The following DCTN5 variants were observed in gnomAD, a reference collection of about 807,000 sequenced individuals.
The protein encoded by DCTN5 is dynactin subunit 5.
DCTN5 carries 14 observed loss-of-function variants against 23.5 expected under a neutral mutation model. The ratio of observed to expected loss-of-function variants is 0.60; its 90% confidence interval spans 0.39 to 0.93. The LOEUF (loss-of-function observed/expected upper bound fraction) is 0.93. DCTN5 is among the 40% of genes least tolerant of loss of function. DCTN5 has a pLI of 0.00. For synonymous variants in DCTN5, 67 were observed against 79.6 expected, an observed-to-expected ratio of 0.84 and a Z score of 0.84; for missense variants, 156 against 225.9, an observed-to-expected ratio of 0.69 and a Z score of 1.98.
rs79939128 is a variant in DCTN5 at position 23,662,581 on chromosome 16, C to G, written c.348+1300C>G. On this transcript the variant is annotated intron_variant, in intron 4 of 5. Coordinates refer to ENST00000300087, the MANE Select transcript of DCTN5 (RefSeq NM_032486.4). ...CATTCCCGTTAATATGGAGCCAGCT[C>G]TCTGCCCTGGATAAGACTCAGACCC... Among the ~76,000 whole-genome samples the G allele has an allele frequency of 1.6e-3, 247 of 152,338 alleles. 4 individuals are homozygous for G. The East Asian group carries it at 0.04, about 25-fold the overall frequency.
At chr16:23,650,910 C>G in intron 2 of DCTN5, 1 of 1,388,848 alleles carries the variant, frequency 7.2e-7, no homozygotes, top group Admixed American at 2.0e-5. Context: ...TAAGCCCAAG[C>G]TGGTTGTTAC....
At chr16:23,648,168 T>G (rs1967510351) in intron 2 of DCTN5, among the ~76,000 whole-genome samples, 2 of 151,900 alleles carry the variant, frequency 1.3e-5, no homozygotes. Flanking sequence ...GTTAGTTAAT[T>G]TTTTTGAGAC....
chr16:23,670,940 C>T lies in DCTN5; in HGVS notation c.*3796C>T, dbSNP rs927859908. ...GTGCTTTCCAAGCCACTACTAGGTG[C>T]CAAGCACTTCCTAGGTCCTGGGGAT... is the stretch of plus-strand genomic sequence containing the variant. On this transcript the variant is annotated 3_prime_UTR_variant, in exon 6 of 6. Coordinates refer to ENST00000300087, the MANE Select transcript of DCTN5 (RefSeq NM_032486.4). 5 of 152,164 alleles carry T rather than the reference C, an allele frequency of 3.3e-5. No individual in the cohort carries two copies. The highest frequency in any genetic ancestry group is 4.8e-5 in the African/African-American group (2 of 41,436). The allele number at this position is 152,164 out of a possible 1,614,324, so 9.4% of individuals were successfully genotyped here. A position where few individuals can be genotyped will look rare whatever the true frequency, so the allele number is the denominator to read the frequency against.
chr16:23,658,409 T>C (rs1967750088), intron 2 of DCTN5, 98 bp from the exon 3 acceptor site: 1 of 813,902 alleles, frequency 1.2e-6, no homozygotes, highest in Non-Finnish European at 2.1e-6. Context: ...TCAGAGTGGA[T>C]TGTAACATAA....
chr16:23,665,132 G>A (rs113480112), intron 4 of DCTN5, among the ~76,000 whole-genome samples: 1 of 152,200 alleles, frequency 6.6e-6, no homozygotes, highest in African/African-American at 2.4e-5. Context: ...CCCAGCAAAA[G>A]CCCTGAGGTT....
At position 23,675,550 on chromosome 16, in the gene DCTN5, C is replaced by A. The variant is rs1027243953; in HGVS notation, c.*8406C>A. On this transcript the variant is annotated 3_prime_UTR_variant, in exon 6 of 6. Transcript: ENST00000300087. Reference sequence around the variant, plus strand: ...TACAAAAATGCTTTTGTGCCTCTTACATACAACCCTTCCAGAGGAAAGGCC... The same window carrying A: ...TACAAAAATGCTTTTGTGCCTCTTAAATACAACCCTTCCAGAGGAAAGGCC... 1.3e-5 allele frequency: 2 copies of A among 150,672 alleles called. No homozygotes were observed. Among genetic ancestry groups the A allele is most frequent in the African/African-American group, 4.9e-5 (2 of 40,936 alleles). 9.3% of individuals were successfully genotyped at this position (150,672 alleles called of 1,614,324 possible).
chr16:23,650,975 C>G, intron 2 of DCTN5: 1 of 1,403,042 alleles, frequency 7.1e-7, no homozygotes, highest in Non-Finnish European at 9.4e-7. Context: ...GCGTCTGATT[C>G]TTTTTCAAAA....
intron 5 of DCTN5, 198 bp downstream of exon 5, chr16:23,665,926 A>G: frequency 1.7e-6 from 1 of 572,874 alleles, no homozygotes; most frequent in Non-Finnish European, 3.1e-6. Flanking sequence ...TGGGTTCACC[A>G]GAAAATAAGG....
rs1967925374 is a variant in DCTN5 at position 23,667,300 on chromosome 16, C to CT, written c.*157dup. 3.4e-5 allele frequency: 30 copies of CT among 889,642 alleles called. 1 individual carries two copies. The South Asian group carries it at 5.1e-4, about 15-fold the overall frequency. 55.1% of individuals were successfully genotyped at this position (889,642 alleles called of 1,614,324 possible). The stretch of plus-strand genomic sequence containing the variant: ...TTAGAATTTCTCAATCTTCAAGGCT[C>CT]TAAGTGCTTAAGAATTCACTAACAG... On this transcript the variant is annotated 3_prime_UTR_variant, in exon 6 of 6. Coordinates refer to ENST00000300087, the MANE Select transcript of DCTN5 (RefSeq NM_032486.4).
intron 5 of DCTN5, 200 bp from the exon 6 acceptor site, chr16:23,666,847 T>A (rs749631701): frequency 1.4e-6 from 1 of 735,302 alleles, no homozygotes; most frequent in Non-Finnish European, 2.1e-6. Flanking sequence ...GACTTTTGTT[T>A]AGTAATTTCT....
At chr16:23,644,787 A>AG (rs1967388823) in intron 2 of DCTN5, among the ~76,000 whole-genome samples, 1 of 148,624 alleles carries the variant, frequency 6.7e-6, no homozygotes, top group African/African-American at 2.5e-5. Flanking sequence ...CCATTTTAAC[A>AG]ATTTTTTAAA....
rs1968021161 is a variant in DCTN5 at position 23,672,345 on chromosome 16, G to C, written c.*5201G>C. 1 of 152,202 alleles carries C rather than the reference G, an allele frequency of 6.6e-6. No individual in the cohort carries two copies. The highest frequency in any genetic ancestry group is 2.1e-4 in the South Asian group (1 of 4,832). The allele number at this position is 152,202 out of a possible 1,614,324, so 9.4% of individuals were successfully genotyped here. A position where few individuals can be genotyped will look rare whatever the true frequency, so the allele number is the denominator to read the frequency against. ...TCCTGGATAGAATCCTAGGAAATGG[G>C]CACTATAATGGGCACTTTATCCCAT... On this transcript the variant is annotated 3_prime_UTR_variant, in exon 6 of 6. Transcript: ENST00000300087.
At chr16:23,646,100 T>C (rs1304760437) in intron 2 of DCTN5, among the ~76,000 whole-genome samples, 1 of 152,206 alleles carries the variant, frequency 6.6e-6, no homozygotes, top group Non-Finnish European at 1.5e-5. Context: ...CTAGTTATTT[T>C]CTGGTTTTTT....
At position 23,665,623 on chromosome 16, in the gene DCTN5, C is replaced by T. The variant is rs2140988022; in HGVS notation, c.349-3C>T. 9.9e-6 allele frequency: 16 copies of T among 1,609,818 alleles called. No homozygotes were observed. Among genetic ancestry groups the T allele is most frequent in the Non-Finnish European group, 1.4e-5 (16 of 1,178,986 alleles). ...TTTCCTATTAACAAGATTTTAATTT[C>T]AGGGGCGCCGATGTGTGTTGAAAGA... On this transcript the variant is annotated splice_region_variant and splice_polypyrimidine_tract_variant and intron_variant, in intron 4 of 5. Transcript: ENST00000300087.
intron 2 of DCTN5, chr16:23,650,971 G>A (rs1967593090): frequency 1.4e-6 from 2 of 1,402,172 alleles, no homozygotes; most frequent in Non-Finnish European, 9.4e-7. Flanking sequence ...CAGAGCGTCT[G>A]ATTCTTTTTC....
intron 2 of DCTN5, 62 bp downstream of exon 2, chr16:23,643,085 C>A: frequency 7.5e-7 from 1 of 1,340,490 alleles, no homozygotes; most frequent in Non-Finnish European, 1.1e-6. Context: ...ATTGTCACCA[C>A]AGCAGGGCAG....
chr16:23,664,641 A>G (rs1381593916), intron 4 of DCTN5, among the ~76,000 whole-genome samples: 1 of 152,234 alleles, frequency 6.6e-6, no homozygotes, highest in African/African-American at 2.4e-5. Context: ...CAGAAGCCCC[A>G]TGAAACAGAT....
At chr16:23,644,651 G>C (rs1967385254) in intron 2 of DCTN5, among the ~76,000 whole-genome samples, 1 of 150,918 alleles carries the variant, frequency 6.6e-6, no homozygotes, top group Admixed American at 6.6e-5. Flanking sequence ...GGCCAGGCTG[G>C]TCTTGAACTC....
At chr16:23,645,062 G>A (rs1459898207) in intron 2 of DCTN5, among the ~76,000 whole-genome samples, 1 of 121,744 alleles carries the variant, frequency 8.2e-6, no homozygotes, top group African/African-American at 3.1e-5. Context: ...TTACAAGTGT[G>A]AGCCACTGCA....
Sources: gnomAD v4.1 joint callset for allele counts (sites outside exome capture counted in the v4.1 genomes callset) on GRCh38, gnomAD v4.1.1 for gene constraint, MANE v1.5 for transcripts, NCBI Gene and HGNC (gene_info 2026-07-23, HGNC 2026-07-21) for gene names.